The following USP42 variants were observed in gnomAD, a reference collection of about 807,000 sequenced individuals.
The protein encoded by USP42 is ubiquitin specific peptidase 42.
A neutral mutation model predicts 113.0 loss-of-function variants in USP42; 23 were observed. The observed-to-expected ratio is 0.20, with a 90% confidence interval of 0.15 to 0.29. The LOEUF (loss-of-function observed/expected upper bound fraction) is 0.29. Ranked by LOEUF, USP42 falls within the 10% of genes least tolerant of loss-of-function variation. The pLI, the probability that USP42 is intolerant of heterozygous loss-of-function variation, is 1.00. For missense variants in USP42, 2,174 were observed against 1,779.8 expected (o/e 1.22, Z -3.99); for synonymous variants, 933 against 699.0 (o/e 1.33, Z -5.28).
At position 6,159,401 on chromosome 7, in the gene USP42, C is replaced by G; in HGVS notation, c.3944-49C>G. On this transcript the variant is annotated intron_variant, in intron 16 of 17. Transcript: ENST00000306177. This position sits in a 1 kb window ranked among gnomAD's most constrained non-coding sequence, Gnocchi z 4.1. ...CGCACACACACAGCAGAGGCCCTGG[C>G]GATTTTGCAACCATCATTAAAATCT... is the stretch of plus-strand genomic sequence containing the variant. The G allele has an allele frequency of 8.1e-6, 13 of 1,613,250 alleles. No homozygotes were observed. Among genetic ancestry groups the G allele is most frequent in the Non-Finnish European group, 1.1e-5 (13 of 1,179,510 alleles).
chr7:6,107,059 G>T (rs1779322357), intron 1 of USP42, among the ~76,000 whole-genome samples: 1 of 152,224 alleles, frequency 6.6e-6, no homozygotes, highest in Non-Finnish European at 1.5e-5. Context: ...ATGGAGTTTA[G>T]TTTGATGCCT....
chr7:6,112,462 G>C (rs941082940), intron 2 of USP42, among the ~76,000 whole-genome samples: 3 of 145,424 alleles, frequency 2.1e-5, no homozygotes, highest in African/African-American at 7.5e-5. Context: ...AAAGAAAAAA[G>C]AAAAAAAAAA....
At chr7:6,156,008 T>TCA (rs1782428369) in intron 15 of USP42, among the ~76,000 whole-genome samples, 1 of 152,216 alleles carries the variant, frequency 6.6e-6, no homozygotes, top group Admixed American at 6.5e-5. Flanking sequence ...CCCAAAGCAC[T>TCA]GGGATCACAG....
At chr7:6,092,335 C>G in the USP42 span, among the ~76,000 whole-genome samples, 1 of 149,948 alleles carries the variant, frequency 6.7e-6, no homozygotes, top group African/African-American at 2.5e-5. Flanking sequence ...CCTCCCACCA[C>G]ACCCAGCTAG....
At chr7:6,141,320 A>G (rs1781419796) in intron 7 of USP42, among the ~76,000 whole-genome samples, 1 of 147,176 alleles carries the variant, frequency 6.8e-6, no homozygotes, top group South Asian at 2.1e-4. Context: ...CTTCTGCCTC[A>G]GCCTCCCGAG....
At chr7:6,151,931 T>C (rs1782080126) in intron 14 of USP42, among the ~76,000 whole-genome samples, 2 of 152,334 alleles carry the variant, frequency 1.3e-5, no homozygotes, top group South Asian at 2.1e-4. Flanking sequence ...CGCCATCATA[T>C]GTGGTCTGTT....
chr7:6,116,010 A>G (rs1779891377), intron 3 of USP42, among the ~76,000 whole-genome samples: 1 of 151,570 alleles, frequency 6.6e-6, no homozygotes, highest in Non-Finnish European at 1.5e-5. Flanking sequence ...AGGGTGAGAC[A>G]GGAAGGTCAC....
chr7:6,145,757 T>C (rs1781681856), intron 10 of USP42, 101 bp downstream of exon 10: 1 of 1,302,228 alleles, frequency 7.7e-7, no homozygotes, highest in Admixed American at 2.1e-5. Flanking sequence ...ACAGTTAAAA[T>C]GTGAATACCC....
At position 6,150,228 on chromosome 7, in the gene USP42, G is replaced by A. The variant is rs1781963817; in HGVS notation, c.2032G>A (p.Gly678Ser). Residue 678 changes from glycine (G) to serine (S), a missense_variant, in exon 13 of 18, where the codon GGT (glycine) becomes AGT (serine). Coordinates refer to ENST00000306177, the MANE Select transcript of USP42 (RefSeq NM_032172.3). ...GAAAGAAAACGGCCTAGCGCCTGAT[G>A]GTGCCAGCTGCCAAGGCCAGCCTGC... ...DPKENGLAPD[G>S]ASCQGQPALH... The A allele has an allele frequency of 6.2e-7, 1 of 1,613,744 alleles. No homozygotes were observed. The highest frequency in any genetic ancestry group is 1.7e-5 in the Admixed American group (1 of 60,012).
At chr7:6,153,329 G>A (rs1782183834) in intron 14 of USP42, among the ~76,000 whole-genome samples, 1 of 151,646 alleles carries the variant, frequency 6.6e-6, no homozygotes. Context: ...GGAATTGGAA[G>A]AACTAGAGGG....
chr7:6,137,989 AT>A (rs1781238207), intron 4 of USP42, among the ~76,000 whole-genome samples: 1 of 152,128 alleles, frequency 6.6e-6, no homozygotes. Context: ...ACATATATTT[AT>A]TTTTATACAT....
At position 6,158,364 on chromosome 7, in the gene USP42, CG is replaced by C. The variant is rs1374690402; in HGVS notation, c.3944-1085del. Among the ~76,000 whole-genome samples, 14 of 152,090 alleles carry C rather than the reference CG, an allele frequency of 9.2e-5. No homozygotes were observed. Among genetic ancestry groups the C allele is most frequent in the African/African-American group, 3.4e-4 (14 of 41,342 alleles). On this transcript the variant is annotated intron_variant, in intron 16 of 17. Transcript: ENST00000306177. This position sits in a 1 kb window ranked among gnomAD's most constrained non-coding sequence, Gnocchi z 4.2. ...CCTGGACGCCCATTGTTTGTGTTCA[CG>C]TGTGAAGCGCATCCCCTCCTCCCAG... is the stretch of plus-strand genomic sequence containing the variant.
chr7:6,128,180 T>C (rs576516400), intron 3 of USP42: 4 of 152,152 alleles, frequency 2.6e-5, no homozygotes, highest in Non-Finnish European at 5.9e-5. Context: ...CTCGAACTCC[T>C]AGCCTCAAGT....
chr7:6,152,478 T>G (rs1447233597), intron 14 of USP42, among the ~76,000 whole-genome samples: 2 of 152,338 alleles, frequency 1.3e-5, no homozygotes, highest in Non-Finnish European at 2.9e-5. Context: ...CTCCCATCAC[T>G]GTGGCAACCC....
At chr7:6,119,854 C>T (rs965104120) in intron 3 of USP42, among the ~76,000 whole-genome samples, 3 of 152,162 alleles carry the variant, frequency 2.0e-5, no homozygotes, top group Non-Finnish European at 4.4e-5. Context: ...CAGGCATGTG[C>T]TACAACACCT....
At chr7:6,113,575 G>A (rs1395452517) in intron 2 of USP42, among the ~76,000 whole-genome samples, 1 of 152,074 alleles carries the variant, frequency 6.6e-6, no homozygotes, top group Non-Finnish European at 1.5e-5. Context: ...TCTTCAGATG[G>A]AGAATGATTC....
chr7:6,153,558 C>T lies in USP42; in HGVS notation c.2202-198C>T, dbSNP rs1321370825. 9.8e-5 allele frequency among the ~76,000 whole-genome samples: 15 copies of T among 152,312 alleles called. No individual in the cohort carries two copies. The East Asian group carries it at 2.7e-3, about 27-fold the overall frequency. ...AAATGACGAGTTAATGGGTGCAGCACACCAGCATGGCACACGTATACATAT... is the reference window on the plus strand; with the variant it reads ...AAATGACGAGTTAATGGGTGCAGCATACCAGCATGGCACACGTATACATAT... On this transcript the variant is annotated intron_variant, in intron 14 of 17. Transcript: ENST00000306177.
At position 6,115,229 on chromosome 7, in the gene USP42, T is replaced by A; in HGVS notation, c.242-94T>A. The stretch of plus-strand genomic sequence containing the variant: ...GGTAGGCTGGTCATGAGATTTCGGA[T>A]CTTGTAAAGATTGAGGTTTGACCAG... On this transcript the variant is annotated intron_variant, in intron 2 of 17. Transcript: ENST00000306177. 6 of 1,267,686 alleles carry A rather than the reference T, an allele frequency of 4.7e-6. No individual in the cohort carries two copies. The South Asian group carries it at 7.6e-5, about 16-fold the overall frequency. The allele number at this position is 1,267,686 out of a possible 1,614,324, so 78.5% of individuals were successfully genotyped here.
intron 3 of USP42, among the ~76,000 whole-genome samples, chr7:6,126,862 C>T (rs1780574028): frequency 6.6e-6 from 1 of 152,196 alleles, no homozygotes; most frequent in South Asian, 2.1e-4. Context: ...GTCAGCATGT[C>T]TTCATTTCTC....
Sources: allele counts gnomAD v4.1 joint callset (sites outside exome capture counted in the v4.1 genomes callset), GRCh38; gene constraint gnomAD v4.1.1; non-coding constraint Gnocchi (gnomAD v3.1); transcripts MANE v1.5; gene names NCBI Gene and HGNC (gene_info 2026-07-23, HGNC 2026-07-21).